Variants in TEX36 observed in about 807,000 individuals in gnomAD.
The protein encoded by TEX36 is testis expressed 36, also known as testis-expressed protein 36.
In TEX36, 12 loss-of-function variants were observed where a neutral mutation model predicts 13.6. That is an observed-to-expected ratio of 0.88 (90% CI 0.56 to 1.43). The LOEUF is 1.43. TEX36 is among the 40% of genes most tolerant of loss of function. The pLI, the probability that TEX36 is intolerant of heterozygous loss-of-function variation, is 0.00. For synonymous variants in TEX36, 93 were observed against 83.0 expected (o/e 1.12, Z -0.65); for missense variants, 224 against 228.3 (o/e 0.98, Z 0.12).
At chr10:125,624,099 G>A (rs1201682114) in intron 3 of TEX36, among the ~76,000 whole-genome samples, 1 of 152,164 alleles carries the variant, frequency 6.6e-6, no homozygotes, top group African/African-American at 2.4e-5. Context: ...TGGACAAACT[G>A]CAGTCCTGAA....
intron 3 of TEX36, among the ~76,000 whole-genome samples, chr10:125,643,949 C>A (rs900482096): frequency 5.3e-5 from 8 of 151,536 alleles, no homozygotes; most frequent in Non-Finnish European, 1.2e-4. Flanking sequence ...AGAACAACAA[C>A]AAAAAAAACA....
chr10:125,587,074 C>T (rs967885265), intron 3 of TEX36, among the ~76,000 whole-genome samples: 5 of 152,276 alleles, frequency 3.3e-5, no homozygotes, highest in East Asian at 1.9e-4. Flanking sequence ...CCTTCCATCA[C>T]GATTGTAAGT....
chr10:125,622,855 C>T (rs1228486922), intron 3 of TEX36, among the ~76,000 whole-genome samples: 1 of 152,178 alleles, frequency 6.6e-6, no homozygotes, highest in Non-Finnish European at 1.5e-5. Context: ...GCAGGAGGAG[C>T]CCAGAGTGGC....
chr10:125,666,263 C>T lies in TEX36; in HGVS notation c.52-4286G>A, dbSNP rs141257107. 1.7e-3 allele frequency among the ~76,000 whole-genome samples: 255 copies of T among 152,250 alleles called. 1 individual carries two copies. The highest frequency in any genetic ancestry group is 3.3e-3 in the Non-Finnish European group (226 of 68,014). ...AATAGGAATGGTGAAAGTGAGAATC[C>T]TTGTCTTGTTTCAGTTCTTGGAGCA... On this transcript the variant is annotated intron_variant, in intron 1 of 3. Coordinates refer to ENST00000368821, the MANE Select transcript of TEX36 (RefSeq NM_001128202.3).
At chr10:125,671,264 T>C (rs1847223339) in intron 1 of TEX36, among the ~76,000 whole-genome samples, 1 of 152,192 alleles carries the variant, frequency 6.6e-6, no homozygotes. Context: ...ACATTCACTG[T>C]GGGTTTGTCA....
chr10:125,583,849 A>G (rs1845912311), intron 3 of TEX36, among the ~76,000 whole-genome samples: 1 of 152,190 alleles, frequency 6.6e-6, no homozygotes, highest in Non-Finnish European at 1.5e-5. Flanking sequence ...AAAGAGTCTG[A>G]TCATTCTTCC....
At chr10:125,590,442 G>A (rs1399815009) in intron 3 of TEX36, among the ~76,000 whole-genome samples, 2 of 152,072 alleles carry the variant, frequency 1.3e-5, no homozygotes, top group Non-Finnish European at 2.9e-5. Flanking sequence ...TTAAAAAAAG[G>A]TGGGGGGCAG....
chr10:125,662,768 C>T (rs1173071395), intron 1 of TEX36, among the ~76,000 whole-genome samples: 3 of 152,080 alleles, frequency 2.0e-5, no homozygotes, highest in Non-Finnish European at 2.9e-5. Flanking sequence ...AGGCGTGACC[C>T]TAGGGAGGCA....
rs765011274 is a variant in TEX36 at position 125,675,186 on chromosome 10, A to C, written c.51+7753T>G. On this transcript the variant is annotated intron_variant, in intron 1 of 3. Coordinates refer to ENST00000368821, the MANE Select transcript of TEX36 (RefSeq NM_001128202.3). ...GGACCAGAGTCCAGCTTAAACAGGC[A>C]GTCTGGCCACGATCTGCCACAGCTG... Among the ~76,000 whole-genome samples, 46 of 152,338 alleles carry C rather than the reference A, an allele frequency of 3.0e-4. 1 individual carries two copies. Among genetic ancestry groups the C allele is most frequent in the Non-Finnish European group, 5.9e-4 (40 of 68,026 alleles).
At chr10:125,596,112 A>C (rs1846079575) in intron 3 of TEX36, among the ~76,000 whole-genome samples, 1 of 152,256 alleles carries the variant, frequency 6.6e-6, no homozygotes, top group Admixed American at 6.5e-5. Context: ...GGATGGTTTA[A>C]CATGAGAAAT....
chr10:125,623,914 A>G (rs1221279384), intron 3 of TEX36, among the ~76,000 whole-genome samples: 2 of 152,238 alleles, frequency 1.3e-5, no homozygotes, highest in East Asian at 3.8e-4. Flanking sequence ...ACATAGTAAC[A>G]GGGATCATCT....
chr10:125,616,089 C>T (rs984301554), intron 3 of TEX36, among the ~76,000 whole-genome samples: 1 of 152,108 alleles, frequency 6.6e-6, no homozygotes, highest in Non-Finnish European at 1.5e-5. Context: ...TTGTAGTATT[C>T]TCTGATGGTA....
chr10:125,666,846 T>G, intron 1 of TEX36: 2 of 327,896 alleles, frequency 6.1e-6, no homozygotes, highest in South Asian at 3.7e-5. Context: ...GGGCCTGGAG[T>G]GTTGGGAACA....
intron 3 of TEX36, among the ~76,000 whole-genome samples, chr10:125,591,111 A>C (rs1447415014): frequency 6.6e-6 from 1 of 152,208 alleles, no homozygotes; most frequent in Non-Finnish European, 1.5e-5. Context: ...GGCCATGCAC[A>C]AGTGATTATC....
At chr10:125,682,914 C>G (rs1847419024) in intron 1 of TEX36, 25 bp downstream of exon 1, 1 of 1,551,710 alleles carries the variant, frequency 6.4e-7, no homozygotes, top group Non-Finnish European at 8.7e-7. Context: ...ATGAGAAAGG[C>G]ACCAGGGGCC....
At position 125,636,684 on chromosome 10, in the gene TEX36, G is replaced by A. The variant is rs561687400; in HGVS notation, c.265-15039C>T. On this transcript the variant is annotated intron_variant, in intron 3 of 3. Coordinates refer to the TEX36 transcript ENST00000526819. The stretch of plus-strand genomic sequence containing the variant: ...GTGACCCACCATCGTATCAGTGGCC[G>A]GTCCCCGAACCCACTCAGGCCAGTT... Among the ~76,000 whole-genome samples, 18 of 152,174 alleles carry A rather than the reference G, an allele frequency of 1.2e-4. No individual in the cohort carries two copies. The East Asian group carries it at 1.4e-3, about 11-fold the overall frequency.
intron 3 of TEX36, among the ~76,000 whole-genome samples, chr10:125,633,827 T>G (rs1014240454): frequency 6.6e-6 from 1 of 152,184 alleles, no homozygotes; most frequent in African/African-American, 2.4e-5. Context: ...TTCCCATAAA[T>G]GGACACGGTT....
At chr10:125,596,921 T>A (rs1274382754) in intron 3 of TEX36, among the ~76,000 whole-genome samples, 1 of 152,224 alleles carries the variant, frequency 6.6e-6, no homozygotes, top group Non-Finnish European at 1.5e-5. Context: ...TAATCTCTCC[T>A]GTTAACTCGC....
chr10:125,642,312 G>T (rs1846704217), intron 3 of TEX36, among the ~76,000 whole-genome samples: 1 of 152,202 alleles, frequency 6.6e-6, no homozygotes, highest in Non-Finnish European at 1.5e-5. Context: ...ATATGAGCTT[G>T]AGAGTTATGC....
Sources: gnomAD v4.1 joint callset for allele counts (sites outside exome capture counted in the v4.1 genomes callset) on GRCh38, gnomAD v4.1.1 for gene constraint, MANE v1.5 for transcripts, NCBI Gene and HGNC (gene_info 2026-07-23, HGNC 2026-07-21) for gene names.